CLVS1: variants seen among roughly 807,000 people sequenced by gnomAD.
CLVS1 encodes the protein clavesin 1.
Under a neutral mutation model 33.1 loss-of-function variants are expected in CLVS1, and 10 were observed. That is an observed-to-expected ratio of 0.30 (90% CI 0.19 to 0.51). The LOEUF is 0.51. Among genes scored for constraint, CLVS1 ranks in the 20% least tolerant of loss-of-function variants. The pLI is 0.97. For synonymous variants in CLVS1, 163 were observed against 166.1 expected, an observed-to-expected ratio of 0.98 and a Z score of 0.14; for missense variants, 343 against 433.4, an observed-to-expected ratio of 0.79 and a Z score of 1.85.
chr8:61,079,891 C>G (rs1804990938), intron 1 of CLVS1, among the ~76,000 whole-genome samples: 1 of 152,028 alleles, frequency 6.6e-6, no homozygotes. Context: ...TGTGTAATGT[C>G]TATTTCATCA....
At chr8:61,411,384 C>G (rs1815217270) in intron 3 of CLVS1, among the ~76,000 whole-genome samples, 1 of 152,032 alleles carries the variant, frequency 6.6e-6, no homozygotes, top group South Asian at 2.1e-4. Flanking sequence ...AAGCAAGGCT[C>G]TATGTTTCCT....
intron 5 of CLVS1, among the ~76,000 whole-genome samples, chr8:61,499,243 A>C (rs1001374485): frequency 6.6e-6 from 1 of 152,112 alleles, no homozygotes; most frequent in African/African-American, 2.4e-5. Flanking sequence ...GTGGCACAAT[A>C]TGGCTCACTG....
At chr8:61,316,467 TC>T (rs1811013665) in intron 2 of CLVS1, among the ~76,000 whole-genome samples, 1 of 152,176 alleles carries the variant, frequency 6.6e-6, no homozygotes, top group South Asian at 2.1e-4. Flanking sequence ...AGAGTATAAT[TC>T]TGTGGCATAC....
intron 1 of CLVS1, among the ~76,000 whole-genome samples, chr8:61,122,569 AACACACAC>A (rs4033855): frequency 0.06 from 8,740 of 144,540 alleles, 299 homozygotes; most frequent in East Asian, 0.12. Flanking sequence ...ATATTAAGAA[AACACACAC>A]ACACACACAC....
intron 2 of CLVS1, among the ~76,000 whole-genome samples, chr8:61,169,873 C>T (rs1312202204): frequency 6.6e-6 from 1 of 152,092 alleles, no homozygotes; most frequent in Non-Finnish European, 1.5e-5. Flanking sequence ...TTAACAGACT[C>T]AAGTCTTCAA....
At chr8:61,429,802 T>A (rs909012377) in intron 3 of CLVS1, among the ~76,000 whole-genome samples, 2 of 152,220 alleles carry the variant, frequency 1.3e-5, no homozygotes, top group Non-Finnish European at 1.5e-5. Flanking sequence ...AGAATTTGTG[T>A]TACTAATAAA....
intron 2 of CLVS1, among the ~76,000 whole-genome samples, chr8:61,259,280 T>C (rs868202928): frequency 6.6e-6 from 1 of 152,074 alleles, no homozygotes; most frequent in Non-Finnish European, 1.5e-5. Flanking sequence ...GTGATAGGGG[T>C]TTCCTCCTAG....
At chr8:61,186,235 A>G (rs1326874887) in intron 2 of CLVS1, among the ~76,000 whole-genome samples, 7 of 152,242 alleles carry the variant, frequency 4.6e-5, no homozygotes, top group South Asian at 4.1e-4. Context: ...GGCAAATGGG[A>G]AAAAGGTGCT....
chr8:61,349,499 C>T (rs973493682), intron 2 of CLVS1, among the ~76,000 whole-genome samples: 18 of 151,958 alleles, frequency 1.2e-4, no homozygotes, highest in African/African-American at 4.1e-4. Context: ...TGGGGTGGTG[C>T]CATCCCCTGA....
chr8:61,303,359 A>G (rs191080888), intron 2 of CLVS1, among the ~76,000 whole-genome samples: 45 of 152,298 alleles, frequency 3.0e-4, no homozygotes, highest in Admixed American at 5.2e-4. Context: ...CTATTTCTCA[A>G]TTCTCTCTTG....
Position 61,302,153 on chromosome 8 carries a change from G to A in CLVS1, c.455+1871G>A, listed in dbSNP as rs180764785. On this transcript the variant is annotated intron_variant, in intron 2 of 5. Transcript: ENST00000325897. Reference sequence around the variant, plus strand: ...GGCTGTTTTGTGGTTGATAATTTGGGGTGGGGCTGTCTAATCTTGGAAAGG... The same window carrying A: ...GGCTGTTTTGTGGTTGATAATTTGGAGTGGGGCTGTCTAATCTTGGAAAGG... Among the ~76,000 whole-genome samples, 325 of 152,164 alleles carry A rather than the reference G, an allele frequency of 2.1e-3. 1 individual carries two copies. The highest frequency in any genetic ancestry group is 7.5e-3 in the African/African-American group (310 of 41,522).
intron 5 of CLVS1, 24 bp downstream of exon 5, chr8:61,458,566 C>A (rs777597504): frequency 1.6e-5 from 23 of 1,431,134 alleles, no homozygotes; most frequent in African/African-American, 4.7e-5. Flanking sequence ...TATCAGAGCC[C>A]CCCCCCCAGT....
intron 4 of CLVS1, among the ~76,000 whole-genome samples, chr8:61,456,786 C>T (rs1817178083): frequency 1.3e-5 from 2 of 151,740 alleles, no homozygotes; most frequent in African/African-American, 4.8e-5. Flanking sequence ...GGCGTGGTGG[C>T]AGGTGCCTGT....
intron 1 of CLVS1, among the ~76,000 whole-genome samples, chr8:61,067,498 ATATAAT>A (rs1376229653): frequency 1.3e-5 from 2 of 149,518 alleles, no homozygotes; most frequent in Non-Finnish European, 1.5e-5. Flanking sequence ...TATTAATAAT[ATATAAT>A]TATAAGTACG....
intron 1 of CLVS1, among the ~76,000 whole-genome samples, chr8:61,088,965 C>A (rs1363198617): frequency 6.6e-6 from 1 of 151,998 alleles, no homozygotes; most frequent in African/African-American, 2.4e-5. Flanking sequence ...CTACGCCTGG[C>A]TAATTTTTTT....
intron 2 of CLVS1, among the ~76,000 whole-genome samples, chr8:61,329,171 A>G (rs1811495471): frequency 6.6e-6 from 1 of 151,994 alleles, no homozygotes; most frequent in Non-Finnish European, 1.5e-5. Context: ...AAAAACCTTT[A>G]GAGAGTAGGC....
chr8:61,364,257 C>T (rs758917210), intron 2 of CLVS1, among the ~76,000 whole-genome samples: 59 of 152,188 alleles, frequency 3.9e-4, no homozygotes, highest in Non-Finnish European at 7.1e-4. Flanking sequence ...GGTGCCAAAA[C>T]TCAGAAATAG....
At chr8:61,342,840 T>C (rs1224382917) in intron 2 of CLVS1, among the ~76,000 whole-genome samples, 1 of 152,186 alleles carries the variant, frequency 6.6e-6, no homozygotes. Context: ...ATAATGTAAT[T>C]ATAATGTGTT....
At chr8:61,411,899 G>C (rs763936571) in intron 3 of CLVS1, among the ~76,000 whole-genome samples, 8 of 152,186 alleles carry the variant, frequency 5.3e-5, no homozygotes, top group Middle Eastern at 3.2e-3. Flanking sequence ...TGGGCATTTT[G>C]GGTATCTGAG....
Sources: gnomAD v4.1 joint callset for allele counts (sites outside exome capture counted in the v4.1 genomes callset) on GRCh38, gnomAD v4.1.1 for gene constraint, MANE v1.5 for transcripts, NCBI Gene and HGNC (gene_info 2026-07-23, HGNC 2026-07-21) for gene names.